PPP1R2: variants seen among roughly 807,000 people sequenced by gnomAD.
PPP1R2 encodes the protein protein phosphatase inhibitor 2.
PPP1R2 carries 16 observed loss-of-function variants against 29.9 expected under a neutral mutation model. The observed-to-expected ratio is 0.53, with a 90% CI of 0.36 to 0.81. The LOEUF (loss-of-function observed/expected upper bound fraction) is 0.81, where lower values mean the gene tolerates loss of function less well. Among genes scored for constraint, PPP1R2 ranks in the 30% least tolerant of loss-of-function variants. PPP1R2 has a pLI of 0.00. For missense variants in PPP1R2, 197 were observed against 252.7 expected, an observed-to-expected ratio of 0.78 and a Z score of 1.49; for synonymous variants, 76 against 91.5, an observed-to-expected ratio of 0.83 and a Z score of 0.96.
intron 1 of PPP1R2, among the ~76,000 whole-genome samples, chr3:195,541,464 T>C (rs1719594760): frequency 7.0e-6 from 1 of 142,226 alleles, no homozygotes; most frequent in South Asian, 2.1e-4. Context: ...CCTTTTTTTT[T>C]TTTTTTTTTT....
At position 195,516,268 on chromosome 3, in the gene PPP1R2, T is replaced by C. The variant is rs1233373434; in HGVS notation, c.*628A>G. ...ATTGGTGAAAGTTTAACCTGATAATTTATTTGTGGGGAAAAAAGCTAGTTT... is the reference window on the plus strand; with the variant it reads ...ATTGGTGAAAGTTTAACCTGATAATCTATTTGTGGGGAAAAAAGCTAGTTT... On this transcript the variant is annotated 3_prime_UTR_variant, in exon 6 of 6. Coordinates refer to ENST00000618156, the MANE Select transcript of PPP1R2 (RefSeq NM_006241.8). 2.6e-5 allele frequency: 4 copies of C among 152,510 alleles called. No individual in the cohort carries two copies. Among genetic ancestry groups the C allele is most frequent in the Admixed American group, 6.6e-5 (1 of 15,260 alleles). The allele number at this position is 152,510 out of a possible 1,614,324, so 9.4% of individuals were successfully genotyped here. A position where few individuals can be genotyped will look rare whatever the true frequency, so the allele number is the denominator to read the frequency against.
chr3:195,535,323 T>C (rs1041293555), intron 1 of PPP1R2, among the ~76,000 whole-genome samples: 2 of 152,176 alleles, frequency 1.3e-5, no homozygotes, highest in Non-Finnish European at 2.9e-5. Flanking sequence ...CCTTGCTCTA[T>C]GGAAAAGACT....
chr3:195,524,959 G>A, intron 2 of PPP1R2, 63 bp from the exon 3 acceptor site: 4 of 1,400,106 alleles, frequency 2.9e-6, no homozygotes, highest in South Asian at 1.2e-5. Context: ...CAAAAACAAG[G>A]GAGAAAAACA....
chr3:195,530,090 G>A (rs1461883441), intron 1 of PPP1R2, among the ~76,000 whole-genome samples, 189 bp from the exon 2 acceptor site: 1 of 152,148 alleles, frequency 6.6e-6, no homozygotes, highest in African/African-American at 2.4e-5. Flanking sequence ...TAAAATGTCA[G>A]TAAATATAGA....
At position 195,514,565 on chromosome 3, in the gene PPP1R2, A is replaced by C. The variant is rs1718476212; in HGVS notation, c.*2331T>G. 1 of 152,206 alleles carries C rather than the reference A, an allele frequency of 6.6e-6. No individual in the cohort carries two copies. Among genetic ancestry groups the C allele is most frequent in the South Asian group, 2.1e-4 (1 of 4,832 alleles). 9.4% of individuals were successfully genotyped at this position (152,206 alleles called of 1,614,324 possible). A position where few individuals can be genotyped will look rare whatever the true frequency, so the allele number is the denominator to read the frequency against. ...AAAGTTACCTTAACAATCCATTTAC[A>C]CCATTATGTCAAATTTTAGTCATCT... On this transcript the variant is annotated 3_prime_UTR_variant, in exon 6 of 6. Transcript: ENST00000618156.
chr3:195,531,952 G>T (rs570749345), intron 1 of PPP1R2, among the ~76,000 whole-genome samples: 1 of 152,332 alleles, frequency 6.6e-6, no homozygotes, highest in South Asian at 2.1e-4. Flanking sequence ...GCGAAATCAT[G>T]AAGTATTTGT....
At chr3:195,540,094 C>T (rs565483576) in intron 1 of PPP1R2, among the ~76,000 whole-genome samples, 1 of 152,282 alleles carries the variant, frequency 6.6e-6, no homozygotes, top group South Asian at 2.1e-4. Flanking sequence ...TTCTCTGATT[C>T]TTTCTTTGCA....
At chr3:195,529,957 A>T (rs1421442626) in intron 1 of PPP1R2, 56 bp from the exon 2 acceptor site, 1 of 1,232,344 alleles carries the variant, frequency 8.1e-7, no homozygotes, top group African/African-American at 1.5e-5. Flanking sequence ...AAACCTGAAT[A>T]TCAAAATTCA....
chr3:195,535,237 T>A (rs1167554188), intron 1 of PPP1R2, among the ~76,000 whole-genome samples: 1 of 152,202 alleles, frequency 6.6e-6, no homozygotes, highest in Non-Finnish European at 1.5e-5. Flanking sequence ...CACACTCCTA[T>A]GAGAATCTAA....
chr3:195,519,410 G>A (rs1365351039), intron 4 of PPP1R2: 2 of 426,554 alleles, frequency 4.7e-6, no homozygotes, highest in Admixed American at 8.7e-5. Flanking sequence ...GGAAGAACAA[G>A]AATATATCCA....
chr3:195,530,022 A>C, intron 1 of PPP1R2, 121 bp from the exon 2 acceptor site: 1 of 674,936 alleles, frequency 1.5e-6, no homozygotes, highest in South Asian at 1.9e-5. Flanking sequence ...CTCTATTTTC[A>C]CATATACTTT....
chr3:195,520,953 G>C (rs1718734637), intron 4 of PPP1R2, among the ~76,000 whole-genome samples: 1 of 152,100 alleles, frequency 6.6e-6, no homozygotes, highest in South Asian at 2.1e-4. Context: ...ACAGGTGTAA[G>C]ACACCGCACC....
rs869228346 is a variant in PPP1R2, at chr3:195,521,314, CAAAAA to C, written c.404-2134_404-2130del. On this transcript the variant is annotated intron_variant, in intron 4 of 5. Coordinates refer to ENST00000618156, the MANE Select transcript of PPP1R2 (RefSeq NM_006241.8). ...TGGGCGACAGAGCAGGACTCTGTCTCAAAAAAAAAAAAAAAAAAAAAAAAGAACTG... is the reference window on the plus strand; with the variant it reads ...TGGGCGACAGAGCAGGACTCTGTCTCAAAAAAAAAAAAAAAAAAAGAACTG... Among the ~76,000 whole-genome samples the C allele has an allele frequency of 8.1e-3, 460 of 56,644 alleles. 2 individuals are homozygous for C. Among genetic ancestry groups the C allele is most frequent in the African/African-American group, 0.03 (442 of 14,612 alleles). The allele number at this position is 56,644 out of a possible 152,430, so 37.2% of individuals were successfully genotyped here.
intron 1 of PPP1R2, among the ~76,000 whole-genome samples, chr3:195,537,304 T>C (rs1022644712): frequency 3.9e-5 from 6 of 152,132 alleles, no homozygotes; most frequent in Admixed American, 2.0e-4. Context: ...ATGAACATAT[T>C]TGTATATATG....
chr3:195,539,057 C>A (rs1198880437), intron 1 of PPP1R2, among the ~76,000 whole-genome samples: 1 of 152,196 alleles, frequency 6.6e-6, no homozygotes, highest in East Asian at 1.9e-4. Context: ...ATTTTCACAT[C>A]TCTGAAAAAG....
chr3:195,520,211 T>G (rs1421929900), intron 4 of PPP1R2, among the ~76,000 whole-genome samples: 2 of 152,198 alleles, frequency 1.3e-5, no homozygotes, highest in Non-Finnish European at 2.9e-5. Flanking sequence ...GGTTTCATCA[T>G]GTTGGCCAGG....
intron 1 of PPP1R2, among the ~76,000 whole-genome samples, chr3:195,541,134 TGA>T (rs1482298977): frequency 6.6e-6 from 1 of 152,176 alleles, no homozygotes; most frequent in Non-Finnish European, 1.5e-5. Context: ...CCTATGCAGT[TGA>T]GTCAGTCTAG....
intron 4 of PPP1R2, among the ~76,000 whole-genome samples, chr3:195,520,833 T>C (rs1234516811): frequency 6.6e-6 from 1 of 151,904 alleles, no homozygotes; most frequent in African/African-American, 2.4e-5. Flanking sequence ...AAGTACTTTC[T>C]CTTTGTTTGA....
intron 1 of PPP1R2, among the ~76,000 whole-genome samples, chr3:195,536,872 G>C (rs911609206): frequency 1.3e-5 from 2 of 151,410 alleles, no homozygotes; most frequent in African/African-American, 4.9e-5. Flanking sequence ...AAAGACCTCT[G>C]GAGTTTAAAA....
Sources: gnomAD v4.1 joint callset for allele counts (sites outside exome capture counted in the v4.1 genomes callset) on GRCh38, gnomAD v4.1.1 for gene constraint, MANE v1.5 for transcripts, NCBI Gene and HGNC (gene_info 2026-07-23, HGNC 2026-07-21) for gene names.